Variants in RANBP3 observed in about 807,000 individuals in gnomAD.
The protein encoded by RANBP3 is ran-binding protein 3.
In RANBP3, 14 loss-of-function variants were observed where a neutral mutation model predicts 77.3. That is an observed-to-expected ratio of 0.18 (90% CI 0.12 to 0.28). The LOEUF is 0.28. RANBP3 is among the 10% of genes least tolerant of loss of function. The pLI, the probability that RANBP3 is intolerant of heterozygous loss-of-function variation, is 1.00. For synonymous variants in RANBP3, 315 were observed against 312.4 expected, an observed-to-expected ratio of 1.01 and a Z score of -0.09; for missense variants, 586 against 752.3, an observed-to-expected ratio of 0.78 and a Z score of 2.59.
At position 5,921,559 on chromosome 19, in the gene RANBP3, C is replaced by G. The variant is rs1204326748; in HGVS notation, c.1210-238G>C. 6.6e-6 allele frequency among the ~76,000 whole-genome samples: 1 copy of G among 152,230 alleles called. No individual in the cohort carries two copies. Among genetic ancestry groups the G allele is most frequent in the Non-Finnish European group, 1.5e-5 (1 of 68,042 alleles). On this transcript the variant is annotated intron_variant, in intron 13 of 16. Coordinates refer to ENST00000340578, the MANE Select transcript of RANBP3 (RefSeq NM_007322.3). The surrounding 1 kb of genome is among the most constrained non-coding windows in gnomAD (Gnocchi z 5.3). ...TGAAAAGCAAAACAACGGTGAGAAG[C>G]CTCTCTGCGCACTCTAGGACGGCTA...
chr19:5,939,675 G>A (rs1348481939), intron 5 of RANBP3, among the ~76,000 whole-genome samples: 1 of 152,238 alleles, frequency 6.6e-6, no homozygotes. Flanking sequence ...TCTCCCACCT[G>A]AGGGGTGGAT....
chr19:5,975,568 T>C (rs974445625), intron 1 of RANBP3, among the ~76,000 whole-genome samples: 1 of 150,846 alleles, frequency 6.6e-6, no homozygotes, highest in Non-Finnish European at 1.5e-5. Context: ...GGCACCGTTC[T>C]AGATGCAAGG....
chr19:5,962,422 G>A (rs1056558455), intron 1 of RANBP3, among the ~76,000 whole-genome samples: 4 of 152,148 alleles, frequency 2.6e-5, no homozygotes, highest in Admixed American at 2.0e-4. Flanking sequence ...GTGGGGCCTC[G>A]TCTGTTCCGT....
rs2057817555 is a variant in RANBP3, at chr19:5,921,362, G to A, written c.1210-41C>T. The stretch of plus-strand genomic sequence containing the variant: ...CGCCGGTAAGCAGGGACCCCAGCTG[G>A]TGTCCTGCTGCAGCCACACCCTGAG... On this transcript the variant is annotated intron_variant, in intron 13 of 16. Transcript: ENST00000340578. The surrounding 1 kb of genome is among the most constrained non-coding windows in gnomAD (Gnocchi z 5.3). 1 of 1,608,584 alleles carries A rather than the reference G, an allele frequency of 6.2e-7. No homozygotes were observed. Among genetic ancestry groups the A allele is most frequent in the Non-Finnish European group, 8.5e-7 (1 of 1,177,178 alleles).
intron 3 of RANBP3, among the ~76,000 whole-genome samples, chr19:5,945,458 C>T (rs2145157225): frequency 6.6e-6 from 1 of 152,306 alleles, no homozygotes; most frequent in South Asian, 2.1e-4. Context: ...TGTTTGGTGA[C>T]CTAACAAATG....
At position 5,941,601 on chromosome 19, in the gene RANBP3, C is replaced by G; in HGVS notation, c.406+20G>C. 1 of 1,594,864 alleles carries G rather than the reference C, an allele frequency of 6.3e-7. No individual in the cohort carries two copies. The highest frequency in any genetic ancestry group is 8.6e-7 in the Non-Finnish European group (1 of 1,164,828). On this transcript the variant is annotated intron_variant, in intron 5 of 16. Coordinates refer to ENST00000340578, the MANE Select transcript of RANBP3 (RefSeq NM_007322.3). ...GTAAGCATAAACGCTTTCACCATTCCGTAAGTTTGCATATTTTACCTGACT... is the reference window on the plus strand; with the variant it reads ...GTAAGCATAAACGCTTTCACCATTCGGTAAGTTTGCATATTTTACCTGACT...
chr19:5,972,735 G>A (rs1023507518), intron 1 of RANBP3, among the ~76,000 whole-genome samples: 4 of 152,016 alleles, frequency 2.6e-5, no homozygotes, highest in African/African-American at 9.7e-5. Context: ...TCACGTAGGA[G>A]GGCAGAATTC....
intron 3 of RANBP3, 90 bp downstream of exon 3, chr19:5,951,303 G>A (rs1237898714): frequency 8.3e-7 from 1 of 1,200,834 alleles, no homozygotes; most frequent in Non-Finnish European, 1.2e-6. Context: ...AATTAGCTAG[G>A]GCCAGGATCT....
chr19:5,958,121 T>A lies in RANBP3; in HGVS notation c.23-148A>T. 1 of 736,988 alleles carries A rather than the reference T, an allele frequency of 1.4e-6. No homozygotes were observed. Among genetic ancestry groups the A allele is most frequent in the Non-Finnish European group, 2.2e-6 (1 of 452,048 alleles). The allele number at this position is 736,988 out of a possible 1,614,324, so 45.7% of individuals were successfully genotyped here. A position where few individuals can be genotyped will look rare whatever the true frequency, so the allele number is the denominator to read the frequency against. On this transcript the variant is annotated intron_variant, in intron 1 of 16. Coordinates refer to ENST00000340578, the MANE Select transcript of RANBP3 (RefSeq NM_007322.3). This position sits in a 1 kb window ranked among gnomAD's most constrained non-coding sequence, Gnocchi z 4.4. The stretch of plus-strand genomic sequence containing the variant: ...AAATCACTTAGAACAGCGTCTTGAC[T>A]CGGATGCCTGGAGGCACAGGTGTGC...
chr19:5,942,788 G>C (rs754871919), intron 3 of RANBP3, among the ~76,000 whole-genome samples: 8 of 152,074 alleles, frequency 5.3e-5, no homozygotes, highest in Non-Finnish European at 1.0e-4. Context: ...GGGAAGCTGA[G>C]GCAGAAGGAT....
intron 14 of RANBP3, among the ~76,000 whole-genome samples, chr19:5,919,682 T>G (rs1324018573): frequency 1.3e-5 from 2 of 152,154 alleles, no homozygotes; most frequent in African/African-American, 4.8e-5. Flanking sequence ...GCAGATCACC[T>G]GAGGTCAGGA....
chr19:5,918,312 G>T, intron 15 of RANBP3, 184 bp downstream of exon 15: 1 of 726,072 alleles, frequency 1.4e-6, no homozygotes, highest in Non-Finnish European at 2.2e-6. Context: ...AAGAGGACAA[G>T]GACCATGATC....
At chr19:5,967,134 G>A (rs1217216943) in intron 1 of RANBP3, among the ~76,000 whole-genome samples, 1 of 152,240 alleles carries the variant, frequency 6.6e-6, no homozygotes, top group Admixed American at 6.5e-5. Context: ...GTTGCTAGGT[G>A]ATGCCTCTGC....
intron 3 of RANBP3, among the ~76,000 whole-genome samples, chr19:5,948,975 T>C (rs923340297): frequency 6.6e-6 from 1 of 152,202 alleles, no homozygotes; most frequent in African/African-American, 2.4e-5. Flanking sequence ...GTCTGATATA[T>C]AGAGACTTTT....
At chr19:5,977,628 G>A (rs1351661137) in intron 1 of RANBP3, among the ~76,000 whole-genome samples, 3 of 152,104 alleles carry the variant, frequency 2.0e-5, no homozygotes, top group South Asian at 2.1e-4. Flanking sequence ...TAGGCAGCCA[G>A]GCCGGGGAAG....
At chr19:5,918,741 C>T (rs904121725) in intron 14 of RANBP3, 103 bp from the exon 15 acceptor site, 16 of 1,424,918 alleles carry the variant, frequency 1.1e-5, no homozygotes, top group East Asian at 7.0e-5. Context: ...GACATCACCG[C>T]GCAAAAGCCC....
intron 14 of RANBP3, among the ~76,000 whole-genome samples, chr19:5,920,023 AG>A (rs1184856047): frequency 6.6e-6 from 1 of 152,184 alleles, no homozygotes; most frequent in Non-Finnish European, 1.5e-5. Context: ...CTACCCTTCA[AG>A]GGGGCTGCTT....
chr19:5,934,898 A>C (rs1449802560), intron 5 of RANBP3, among the ~76,000 whole-genome samples: 2 of 152,248 alleles, frequency 1.3e-5, no homozygotes, highest in South Asian at 2.1e-4. Flanking sequence ...ACACCCCCTC[A>C]TGCTGTCTGA....
chr19:5,970,513 G>C (rs1411340893), intron 1 of RANBP3, among the ~76,000 whole-genome samples: 4 of 152,142 alleles, frequency 2.6e-5, no homozygotes, highest in African/African-American at 9.7e-5. Flanking sequence ...AGTGTCTGGA[G>C]ACCTTTTATC....
Sources: allele counts gnomAD v4.1 joint callset (sites outside exome capture counted in the v4.1 genomes callset), GRCh38; gene constraint gnomAD v4.1.1; non-coding constraint Gnocchi (gnomAD v3.1); transcripts MANE v1.5; gene names NCBI Gene and HGNC (gene_info 2026-07-23, HGNC 2026-07-21).